LIPC: variants seen among roughly 807,000 people sequenced by gnomAD.
LIPC encodes the protein hepatic triacylglycerol lipase.
LIPC carries 44 observed loss-of-function variants against 50.7 expected under a neutral mutation model. The ratio of observed to expected loss-of-function variants is 0.87; its 90% CI spans 0.68 to 1.11. The LOEUF (loss-of-function observed/expected upper bound fraction) is 1.11. Among genes scored for constraint, LIPC ranks in the 50% most tolerant of loss-of-function variants. The probability of loss-of-function intolerance (pLI) is 0.00; values close to 1 mark genes in which losing one functional copy is unlikely to be tolerated. For missense variants in LIPC, 697 were observed against 648.2 expected (o/e 1.08, Z -0.82); for synonymous variants, 271 against 256.4 (o/e 1.06, Z -0.54).
intron 1 of LIPC, among the ~76,000 whole-genome samples, chr15:58,444,610 C>G (rs1893625075): frequency 6.6e-6 from 1 of 152,168 alleles, no homozygotes; most frequent in African/African-American, 2.4e-5. Context: ...TCTCTTCTGT[C>G]TGCACACAGT....
intron 1 of LIPC, among the ~76,000 whole-genome samples, chr15:58,463,013 G>A (rs971696022): frequency 6.6e-6 from 1 of 152,226 alleles, no homozygotes; most frequent in Non-Finnish European, 1.5e-5. Context: ...CCTTGTAAAA[G>A]ACTCCAAGAA....
intron 1 of LIPC, among the ~76,000 whole-genome samples, chr15:58,505,496 C>CT (rs1892119070): frequency 6.6e-6 from 1 of 152,216 alleles, no homozygotes; most frequent in Non-Finnish European, 1.5e-5. Flanking sequence ...GGTGAATGGT[C>CT]TGCCAGCTTG....
At position 58,489,225 on chromosome 15, in the gene LIPC, G is replaced by T. The variant is rs887049409; in HGVS notation, c.89-49108G>T. ...AGGGATTCATTTTGTTGCGGGGGCG[G>T]GGGGGCGGCTTACAAGCTTCCCAGG... is the stretch of plus-strand genomic sequence containing the variant. On this transcript the variant is annotated intron_variant, in intron 1 of 8. Transcript: ENST00000299022. 1.1e-4 allele frequency among the ~76,000 whole-genome samples: 12 copies of T among 105,256 alleles called. 2 individuals carry two copies. Among genetic ancestry groups the T allele is most frequent in the South Asian group, 6.5e-4 (2 of 3,064 alleles). 69.1% of individuals were successfully genotyped at this position (105,256 alleles called of 152,430 possible).
At chr15:58,490,294 C>A (rs541972957) in intron 1 of LIPC, among the ~76,000 whole-genome samples, 2 of 152,260 alleles carry the variant, frequency 1.3e-5, no homozygotes, top group African/African-American at 4.8e-5. Flanking sequence ...CTTCTAAGAG[C>A]CGGTCACCTC....
At chr15:58,453,995 C>T (rs1430408094) in intron 1 of LIPC, among the ~76,000 whole-genome samples, 1 of 152,188 alleles carries the variant, frequency 6.6e-6, no homozygotes, top group African/African-American at 2.4e-5. Flanking sequence ...CATACATTAT[C>T]TCAGTTGACC....
chr15:58,567,249 G>A (rs1315960997), intron 8 of LIPC, among the ~76,000 whole-genome samples: 3 of 108,822 alleles, frequency 2.8e-5, no homozygotes, highest in East Asian at 2.4e-4. Context: ...GTGTGTGTGT[G>A]TATATATATA....
chr15:58,463,562 C>T (rs550471764), intron 1 of LIPC, among the ~76,000 whole-genome samples: 1 of 152,352 alleles, frequency 6.6e-6, no homozygotes, highest in African/African-American at 2.4e-5. Flanking sequence ...CCTACCTGAG[C>T]TCCTGCAGCC....
chr15:58,519,177 G>A (rs1892575253), intron 1 of LIPC, among the ~76,000 whole-genome samples: 1 of 152,104 alleles, frequency 6.6e-6, no homozygotes, highest in South Asian at 2.1e-4. Flanking sequence ...AGGAGGCCGA[G>A]GCAGGCAGAT....
chr15:58,468,022 A>G (rs1894637152), intron 1 of LIPC, among the ~76,000 whole-genome samples: 1 of 152,162 alleles, frequency 6.6e-6, no homozygotes, highest in Non-Finnish European at 1.5e-5. Context: ...ACTTCCTATA[A>G]ATGTTGAGAA....
intron 1 of LIPC, among the ~76,000 whole-genome samples, chr15:58,508,434 C>T (rs1892227012): frequency 6.6e-6 from 1 of 152,160 alleles, no homozygotes. Context: ...ACACAGGATT[C>T]AGCGAGTCTT....
intron 1 of LIPC, among the ~76,000 whole-genome samples, chr15:58,496,679 A>T (rs1457643061): frequency 6.6e-6 from 1 of 151,578 alleles, no homozygotes; most frequent in Non-Finnish European, 1.5e-5. Flanking sequence ...CGTTAGCACA[A>T]TTTAGACGAA....
intron 8 of LIPC, chr15:58,565,470 G>A: frequency 7.1e-7 from 1 of 1,407,104 alleles, no homozygotes; most frequent in Non-Finnish European, 9.2e-7. Context: ...GGCCCTTCCA[G>A]GGCTCCCACA....
At chr15:58,493,368 A>C (rs890573275) in intron 1 of LIPC, among the ~76,000 whole-genome samples, 1 of 152,046 alleles carries the variant, frequency 6.6e-6, no homozygotes, top group Non-Finnish European at 1.5e-5. Flanking sequence ...CATCGTAGGG[A>C]ACCTAGGAAA....
intron 1 of LIPC, among the ~76,000 whole-genome samples, chr15:58,444,869 A>T (rs1307726997): frequency 2.6e-5 from 4 of 152,240 alleles, no homozygotes; most frequent in Admixed American, 2.0e-4. Context: ...TGGGCTTGGC[A>T]CTGGGCATAC....
intron 6 of LIPC, among the ~76,000 whole-genome samples, chr15:58,560,514 C>T (rs1003125528): frequency 8.5e-5 from 13 of 152,170 alleles, no homozygotes; most frequent in African/African-American, 1.4e-4. Context: ...CTTTGATTTA[C>T]GAAAGGAGAC....
intron 1 of LIPC, among the ~76,000 whole-genome samples, chr15:58,493,262 C>T (rs1390440235): frequency 6.6e-6 from 1 of 152,122 alleles, no homozygotes; most frequent in South Asian, 2.1e-4. Context: ...CTCCCGCCAG[C>T]ACTCCACCAC....
At chr15:58,567,365 G>GTA (rs146459685) in intron 8 of LIPC, among the ~76,000 whole-genome samples, 47,713 of 105,728 alleles carry the variant, frequency 0.45, 11,291 homozygotes, top group Middle Eastern at 0.6. Flanking sequence ...ATATGTATAT[G>GTA]TATATATATA....
chr15:58,503,341 GAGA>G (rs1892048154), intron 1 of LIPC, among the ~76,000 whole-genome samples: 2 of 152,154 alleles, frequency 1.3e-5, no homozygotes, highest in African/African-American at 4.8e-5. Flanking sequence ...TCAGAGGCTG[GAGA>G]AGGAGTGGAG....
intron 1 of LIPC, among the ~76,000 whole-genome samples, chr15:58,451,793 G>T (rs1893908459): frequency 6.6e-6 from 1 of 152,282 alleles, no homozygotes; most frequent in South Asian, 2.1e-4. Context: ...TTCCACAGAG[G>T]CGAGCAGGAG....
Sources: allele counts gnomAD v4.1 joint callset (sites outside exome capture counted in the v4.1 genomes callset), GRCh38; gene constraint gnomAD v4.1.1; transcripts MANE v1.5; gene names NCBI Gene and HGNC (gene_info 2026-07-23, HGNC 2026-07-21).